EXD3: variants seen among roughly 807,000 people sequenced by gnomAD.
EXD3 encodes exonuclease mut-7 homolog.
A neutral mutation model predicts 98.0 loss-of-function variants in EXD3; 92 were observed. The ratio of observed to expected loss-of-function variants is 0.94; its 90% CI spans 0.79 to 1.12. The LOEUF (loss-of-function observed/expected upper bound fraction) is 1.12, where lower values mean the gene tolerates loss of function less well. Ranked by LOEUF, EXD3 falls within the 50% of genes most tolerant of loss-of-function variation. The probability of loss-of-function intolerance (pLI) is 0.00; values close to 1 mark genes in which losing one functional copy is unlikely to be tolerated. For missense variants in EXD3, 1,222 were observed against 1,191.6 expected (o/e 1.03, Z -0.38); for synonymous variants, 569 against 526.0 (o/e 1.08, Z -1.12).
chr9:137,414,623 G>A (rs560120526), intron 1 of EXD3, among the ~76,000 whole-genome samples: 52 of 152,158 alleles, frequency 3.4e-4, no homozygotes, highest in African/African-American at 9.6e-4. Flanking sequence ...CGCCTGTTGC[G>A]GTCTGTCTTT....
intron 19 of EXD3, among the ~76,000 whole-genome samples, chr9:137,316,365 G>A (rs1369127280): frequency 2.6e-5 from 4 of 152,048 alleles, no homozygotes; most frequent in Non-Finnish European, 5.9e-5. Context: ...GCAGGGGTGT[G>A]TGCAGGGGGC....
rs1345585415 is a variant in EXD3, at chr9:137,330,095, G to A, written c.1999-5952C>T. ...CAGGAACTACACAGGAGCTACACAG[G>A]GCTCCACAGGAGCTACACAGGAGCT... On this transcript the variant is annotated intron_variant, in intron 17 of 21. Transcript: ENST00000340951. 4.7e-5 allele frequency among the ~76,000 whole-genome samples: 6 copies of A among 128,930 alleles called. No individual in the cohort carries two copies. The Admixed American group carries it at 4.7e-4, about 10-fold the overall frequency. The allele number at this position is 128,930 out of a possible 152,430, so 84.6% of individuals were successfully genotyped here.
chr9:137,404,069 G>C lies in EXD3; in HGVS notation c.-47-8665C>G, dbSNP rs1363081466. ...GCCCCACTCCCTGGGTCTCCTCCCTGGGTCCTCACGGGTCCCCCCATGTGC... is the reference window on the plus strand; with the variant it reads ...GCCCCACTCCCTGGGTCTCCTCCCTCGGTCCTCACGGGTCCCCCCATGTGC... On this transcript the variant is annotated intron_variant, in intron 1 of 21. Coordinates refer to ENST00000340951, the MANE Select transcript of EXD3 (RefSeq NM_017820.5). Among the ~76,000 whole-genome samples, 3 of 152,132 alleles carry C rather than the reference G, an allele frequency of 2.0e-5. No individual in the cohort carries two copies. In the East Asian group the frequency reaches 5.8e-4, roughly 29 times the overall value.
chr9:137,347,382 CA>C lies in EXD3; in HGVS notation c.1998+688del, dbSNP rs2119205622. ...GCGGCGTCCTCCATCTTCAAGCCAA[CA>C]ATGGGACACTGAATCCTTCCTGTGC... On this transcript the variant is annotated intron_variant, in intron 17 of 21. Transcript: ENST00000340951. The surrounding 1 kb of genome is among the most constrained non-coding windows in gnomAD (Gnocchi z 4.2). Among the ~76,000 whole-genome samples the C allele has an allele frequency of 6.6e-6, 1 of 152,246 alleles. No homozygotes were observed. Among genetic ancestry groups the C allele is most frequent in the East Asian group, 1.9e-4 (1 of 5,176 alleles).
chr9:137,307,930 G>A (rs892829955), intron 20 of EXD3, among the ~76,000 whole-genome samples: 1 of 152,040 alleles, frequency 6.6e-6, no homozygotes, highest in Non-Finnish European at 1.5e-5. Context: ...TAGGGCTCTT[G>A]GGGGCCTGAG....
rs1016021982 is a variant in EXD3, at chr9:137,395,953, C to T, written c.-47-549G>A. Among the ~76,000 whole-genome samples the T allele has an allele frequency of 6.7e-6, 1 of 148,682 alleles. No individual in the cohort carries two copies. The highest frequency in any genetic ancestry group is 6.7e-5 in the Admixed American group (1 of 14,934). On this transcript the variant is annotated intron_variant, in intron 1 of 21. Coordinates refer to ENST00000340951, the MANE Select transcript of EXD3 (RefSeq NM_017820.5). The surrounding 1 kb of genome is among the most constrained non-coding windows in gnomAD (Gnocchi z 6.5). ...AGTCTCCCTCAGAGTGTTTTTTTTT[C>T]TTTTCTTTCTTTCTTTCTTTTTTTT...
rs1038633514 is a variant in EXD3, at chr9:137,316,948, T to C, written c.2184+6777A>G. ...GCACGTTGTGGGATCTTCAGAGGAG[T>C]TGGGGAGCTGGGCAGGGACCTCTTC... On this transcript the variant is annotated intron_variant, in intron 19 of 21. Coordinates refer to ENST00000340951, the MANE Select transcript of EXD3 (RefSeq NM_017820.5). Among the ~76,000 whole-genome samples, 3 of 151,640 alleles carry C rather than the reference T, an allele frequency of 2.0e-5. No homozygotes were observed. The South Asian group carries it at 6.2e-4, about 32-fold the overall frequency.
At chr9:137,340,693 A>AT (rs1029802442) in intron 17 of EXD3, among the ~76,000 whole-genome samples, 26 of 151,624 alleles carry the variant, frequency 1.7e-4, no homozygotes, top group Non-Finnish European at 2.4e-4. Flanking sequence ...ATGCCTGGCT[A>AT]TTTTTTTTAA....
At chr9:137,400,254 G>A (rs556210285) in intron 1 of EXD3, among the ~76,000 whole-genome samples, 15 of 152,112 alleles carry the variant, frequency 9.9e-5, no homozygotes, top group African/African-American at 2.7e-4. Context: ...ACATCATTCC[G>A]TCCCGGCCCC....
In EXD3 at chr9:137,307,083, G is replaced by A. The variant is rs779358702; in HGVS notation, c.2498C>T (p.Thr833Met). Residue 833 changes from threonine (T) to methionine (M), a missense_variant, in exon 22 of 22, where the codon ACG becomes ATG. Physicochemically the swap from Thr to Met is moderately conservative, Grantham distance 81. Coordinates refer to ENST00000340951, the MANE Select transcript of EXD3 (RefSeq NM_017820.5). ...TPGLRCFYCC[T>M]GCGKVFWDGS... ...GTCCCAGAAGACCTTTCCACAGCCC[G>A]TGCAGCAGTAGAAGCACCGCAGCCC... 1.2e-5 allele frequency: 20 copies of A among 1,610,972 alleles called. No individual in the cohort carries two copies. Among genetic ancestry groups the A allele is most frequent in the African/African-American group, 2.7e-5 (2 of 74,874 alleles).
chr9:137,366,400 C>T (rs1835259496), intron 7 of EXD3, 93 bp downstream of exon 7: 3 of 1,497,466 alleles, frequency 2.0e-6, no homozygotes, highest in Non-Finnish European at 2.7e-6. Context: ...GGAGAGCTCT[C>T]CCACGCGCCT....
Position 137,372,980 on chromosome 9 carries a change from G to T in EXD3, c.387C>A (p.Phe129Leu). ...PSLAAPLASIFQLQDADRSCL... is the reference protein window; with the variant it reads ...PSLAAPLASILQLQDADRSCL... ...AGCTCCTGTCTGCATCCTGCAGCTG[G>T]AAGATGCTGGCCAGTGGTGCCGCAA... Residue 129 changes from phenylalanine (F) to leucine (L), a missense_variant, in exon 5 of 22, where the codon TTC (phenylalanine) becomes TTA (leucine). Phe to Leu is a conservative substitution (Grantham distance 22, BLOSUM62 0). Coordinates refer to ENST00000340951, the MANE Select transcript of EXD3 (RefSeq NM_017820.5). 3.1e-6 allele frequency: 5 copies of T among 1,604,578 alleles called. No individual in the cohort carries two copies. Among genetic ancestry groups the T allele is most frequent in the Non-Finnish European group, 4.2e-6 (5 of 1,179,710 alleles).
Position 137,359,632 on chromosome 9 carries a change from T to C in EXD3, c.657-3264A>G, listed in dbSNP as rs564573107. On this transcript the variant is annotated intron_variant, in intron 7 of 21. Transcript: ENST00000340951. ...CCATCCCACACTTCTCTGACTTCTA[T>C]GGCCAGAGATTATTTGCCCGATTTT... is the stretch of plus-strand genomic sequence containing the variant. 2.7e-3 allele frequency among the ~76,000 whole-genome samples: 231 copies of C among 86,066 alleles called. 62 individuals carry two copies. Among genetic ancestry groups the C allele is most frequent in the African/African-American group, 7.2e-3 (224 of 31,068 alleles). 56.5% of individuals were successfully genotyped at this position (86,066 alleles called of 152,430 possible). A position where few individuals can be genotyped will look rare whatever the true frequency, so the allele number is the denominator to read the frequency against.
At chr9:137,316,094 C>A (rs1218903239) in intron 19 of EXD3, among the ~76,000 whole-genome samples, 1 of 151,752 alleles carries the variant, frequency 6.6e-6, no homozygotes, top group Non-Finnish European at 1.5e-5. Flanking sequence ...CCGGCCCCCC[C>A]CAGCCTCGGC....
chr9:137,364,393 G>A (rs1182028855), intron 7 of EXD3, among the ~76,000 whole-genome samples: 65 of 151,974 alleles, frequency 4.3e-4, no homozygotes, highest in African/African-American at 4.8e-5. Context: ...AGGCTGAGGT[G>A]GGTGGATCAC....
intron 19 of EXD3, among the ~76,000 whole-genome samples, chr9:137,315,765 C>G (rs75846752): frequency 0.018 from 2,780 of 152,106 alleles, 45 homozygotes; most frequent in Non-Finnish European, 0.03. Context: ...CCTGGGCGGG[C>G]AGGAGGAATA....
intron 7 of EXD3, among the ~76,000 whole-genome samples, chr9:137,360,015 C>A (rs1834955394): frequency 1.2e-5 from 1 of 86,846 alleles, no homozygotes; most frequent in African/African-American, 3.2e-5. Flanking sequence ...GCACATCCCA[C>A]CAGCAGTGCG....
intron 2 of EXD3, chr9:137,392,961 G>A (rs1296415364): frequency 1.7e-6 from 1 of 597,340 alleles, no homozygotes; most frequent in African/African-American, 1.9e-5. Context: ...GTTCCAGGGG[G>A]TGCTGAGGCT....
chr9:137,367,340 C>T (rs143870068), intron 6 of EXD3, among the ~76,000 whole-genome samples: 2 of 152,244 alleles, frequency 1.3e-5, no homozygotes, highest in East Asian at 3.9e-4. Context: ...GCTGTGTAGA[C>T]ACCCCTCCCT....
Sources: allele counts gnomAD v4.1 joint callset (sites outside exome capture counted in the v4.1 genomes callset), GRCh38; gene constraint gnomAD v4.1.1; non-coding constraint Gnocchi (gnomAD v3.1); transcripts MANE v1.5; gene names NCBI Gene and HGNC (gene_info 2026-07-23, HGNC 2026-07-21).